Variants in PACRGL observed in about 807,000 individuals in gnomAD.
PACRGL encodes the protein PACRG-like protein.
In PACRGL, 38 loss-of-function variants were observed where a neutral mutation model predicts 34.5. The observed-to-expected ratio is 1.10, with a 90% CI of 0.85 to 1.44. PACRGL has a LOEUF of 1.44. Among genes scored for constraint, PACRGL ranks in the 40% most tolerant of loss-of-function variants. The pLI is 0.00. For missense variants in PACRGL, 305 were observed against 281.4 expected (o/e 1.08, Z -0.60); for synonymous variants, 128 against 100.1 (o/e 1.28, Z -1.66).
At chr4:20,713,850 T>G (rs111310979) in intron 7 of PACRGL, among the ~76,000 whole-genome samples, 9,242 of 152,278 alleles carry the variant, frequency 0.061, 331 homozygotes, top group Admixed American at 0.096. Context: ...GATTGCACTG[T>G]GGTCTGAGAG....
intron 8 of PACRGL, among the ~76,000 whole-genome samples, chr4:20,744,228 A>G (rs1390593138): frequency 1.3e-5 from 2 of 152,234 alleles, no homozygotes; most frequent in East Asian, 3.9e-4. Flanking sequence ...AGAACTAGAA[A>G]TACCATTTGA....
intron 3 of PACRGL, among the ~76,000 whole-genome samples, chr4:20,706,443 T>C (rs1255638820): frequency 3.3e-5 from 5 of 152,194 alleles, no homozygotes; most frequent in Non-Finnish European, 7.3e-5. Flanking sequence ...CAAACAACTT[T>C]CTTATCGGAT....
the PACRGL span, chr4:20,758,918 G>A: frequency 5.0e-6 from 8 of 1,591,536 alleles, no homozygotes; most frequent in Non-Finnish European, 6.9e-6. Context: ...GAAGCAATAT[G>A]AGCAAAGTGT....
intron 7 of PACRGL, among the ~76,000 whole-genome samples, chr4:20,718,275 A>G (rs1233257499): frequency 6.6e-6 from 1 of 152,198 alleles, no homozygotes; most frequent in Non-Finnish European, 1.5e-5. Flanking sequence ...GTCATCTGCA[A>G]ACGGGGACAA....
downstream of PACRGL, among the ~76,000 whole-genome samples, chr4:20,735,530 G>GTTTTTTTTTTT (rs10542507): frequency 9.1e-6 from 1 of 109,710 alleles, no homozygotes; most frequent in Non-Finnish European, 1.8e-5. Context: ...TTTTTTTTTT[G>GTTTTTTTTTTT]TTTTTTTTTT....
At chr4:20,727,155 T>C (rs1281392450) in intron 8 of PACRGL, 130 bp from the exon 9 acceptor site, 3 of 731,830 alleles carry the variant, frequency 4.1e-6, no homozygotes, top group African/African-American at 1.7e-5. Flanking sequence ...GTCCTTCTTA[T>C]TTCATCATTT....
chr4:20,702,295 G>A (rs1732536513), intron 1 of PACRGL: 1 of 441,414 alleles, frequency 2.3e-6, no homozygotes, highest in African/African-American at 2.0e-5. Context: ...GTGGGTACGC[G>A]TCTTTGCTGT....
At chr4:20,759,521 G>T in the PACRGL span, among the ~76,000 whole-genome samples, 3 of 152,160 alleles carry the variant, frequency 2.0e-5, no homozygotes, top group South Asian at 6.2e-4. Flanking sequence ...TTTGTCCCTG[G>T]GTCAACTTGT....
At chr4:20,756,434 C>A (rs535192339), downstream of PACRGL, among the ~76,000 whole-genome samples, 21 of 152,096 alleles carry the variant, frequency 1.4e-4, no homozygotes, top group Non-Finnish European at 2.8e-4. Context: ...TTAACATCTC[C>A]TTCTTTACCA....
chr4:20,739,908 C>T (rs981664993), intron 8 of PACRGL, among the ~76,000 whole-genome samples: 1 of 152,096 alleles, frequency 6.6e-6, no homozygotes. Flanking sequence ...AATGACCTGA[C>T]GGAGCTGAAA....
Position 20,731,255 on chromosome 4 carries a change from A to G in PACRGL, c.*3914A>G, listed in dbSNP as rs919160243. 1.5e-5 allele frequency: 5 copies of G among 329,352 alleles called. No homozygotes were observed. The highest frequency in any genetic ancestry group is 2.2e-5 in the Non-Finnish European group (5 of 231,074). 20.4% of individuals were successfully genotyped at this position (329,352 alleles called of 1,614,324 possible). ...CAGCTAACTTAATTTTTTTTTGTAG[A>G]GATAGATAGGGTCTTGCTATGTTGC... is the stretch of plus-strand genomic sequence containing the variant. On this transcript the variant is annotated 3_prime_UTR_variant, in exon 9 of 9. Transcript: ENST00000503585.
chr4:20,735,408 C>G (rs1247953833), downstream of PACRGL, among the ~76,000 whole-genome samples: 1 of 151,896 alleles, frequency 6.6e-6, no homozygotes, highest in African/African-American at 2.4e-5. Context: ...CAGTCCTTGG[C>G]AATGACATTG....
the PACRGL span, chr4:20,767,342 C>T: frequency 1.3e-5 from 2 of 152,024 alleles, no homozygotes; most frequent in African/African-American, 2.4e-5. Context: ...ATAAAGGCCA[C>T]CATCATGGAA....
At chr4:20,747,315 T>C (rs1752597164) in intron 8 of PACRGL, among the ~76,000 whole-genome samples, 1 of 152,198 alleles carries the variant, frequency 6.6e-6, no homozygotes, top group Non-Finnish European at 1.5e-5. Flanking sequence ...TTACTCATCC[T>C]CTGGAAGCCA....
chr4:20,717,753 G>A (rs1240561301), intron 7 of PACRGL, among the ~76,000 whole-genome samples: 2 of 152,184 alleles, frequency 1.3e-5, no homozygotes, highest in African/African-American at 4.8e-5. Context: ...AGTATAGTTT[G>A]AAGTCAGGTA....
At chr4:20,742,581 A>G (rs930732410) in intron 8 of PACRGL, among the ~76,000 whole-genome samples, 8 of 152,062 alleles carry the variant, frequency 5.3e-5, no homozygotes, top group African/African-American at 1.9e-4. Flanking sequence ...AATAAGAGCT[A>G]TTTATGGCAA....
chr4:20,721,423 T>G lies in PACRGL; in HGVS notation c.610-3385T>G, dbSNP rs1273496264. Reference sequence around the variant, plus strand: ...GCTTTGATTTTTAGAATTTTCAGGTTTTCTGCTCTGTTTTTTCCCCATCTT... The same window carrying G: ...GCTTTGATTTTTAGAATTTTCAGGTGTTCTGCTCTGTTTTTTCCCCATCTT... On this transcript the variant is annotated intron_variant, in intron 7 of 8. Transcript: ENST00000503585. 2.0e-5 allele frequency among the ~76,000 whole-genome samples: 3 copies of G among 152,158 alleles called. No individual in the cohort carries two copies. The East Asian group carries it at 5.8e-4, about 29-fold the overall frequency.
intron 8 of PACRGL, among the ~76,000 whole-genome samples, chr4:20,751,589 C>G (rs1377293447): frequency 6.6e-6 from 1 of 152,036 alleles, no homozygotes; most frequent in African/African-American, 2.4e-5. Flanking sequence ...TTAAGCAAGT[C>G]TCTAGTTACC....
At chr4:20,705,985 A>T (rs1238145851) in intron 3 of PACRGL, among the ~76,000 whole-genome samples, 1 of 150,796 alleles carries the variant, frequency 6.6e-6, no homozygotes, top group African/African-American at 2.4e-5. Flanking sequence ...ATTGTGATTT[A>T]TGCACATTAA....
Sources: allele counts gnomAD v4.1 joint callset (sites outside exome capture counted in the v4.1 genomes callset), GRCh38; gene constraint gnomAD v4.1.1; transcripts MANE v1.5; gene names NCBI Gene and HGNC (gene_info 2026-07-23, HGNC 2026-07-21).